Variants in CDCA8 observed in about 807,000 individuals in gnomAD.
CDCA8 encodes cell division cycle associated 8, also known as borealin.
In CDCA8, 25 loss-of-function variants were observed where a neutral mutation model predicts 40.0. That is an observed-to-expected ratio of 0.63 (90% CI 0.46 to 0.87). The LOEUF (loss-of-function observed/expected upper bound fraction) is 0.87. Ranked by LOEUF, CDCA8 falls within the 40% of genes least tolerant of loss-of-function variation. CDCA8 has a pLI of 0.00. For missense variants in CDCA8, 280 were observed against 348.4 expected, an observed-to-expected ratio of 0.80 and a Z score of 1.56; for synonymous variants, 111 against 126.5, an observed-to-expected ratio of 0.88 and a Z score of 0.82.
rs1645607064 is a variant in CDCA8 at position 37,707,079 on chromosome 1, CA to C, written c.798+16del. 6.3e-7 allele frequency: 1 copy of C among 1,590,128 alleles called. No individual in the cohort carries two copies. Among genetic ancestry groups the C allele is most frequent in the Non-Finnish European group, 8.6e-7 (1 of 1,158,018 alleles). On this transcript the variant is annotated intron_variant, in intron 9 of 9. Coordinates refer to ENST00000373055, the MANE Select transcript of CDCA8 (RefSeq NM_001256875.2). ...AGAAGCTCTCCGTAAGTCTCATATT[CA>C]TCTCCACACATAGGATGCCTCCAGT...
intron 6 of CDCA8, among the ~76,000 whole-genome samples, chr1:37,702,160 C>A (rs1289534826): frequency 6.6e-6 from 1 of 151,738 alleles, no homozygotes; most frequent in Non-Finnish European, 1.5e-5. Context: ...CCTGCCTCAG[C>A]CTCCCGAGTA....
rs78404796 is a variant in CDCA8 at position 37,700,290 on chromosome 1, C to T, written c.338-146C>T. On this transcript the variant is annotated intron_variant, in intron 4 of 9. Transcript: ENST00000373055. ...TCTGGTTAGTTTCCTTTGTCTAAACCCTCTTTCTTAAAAAGTCTTCTTTAT... is the reference window on the plus strand; with the variant it reads ...TCTGGTTAGTTTCCTTTGTCTAAACTCTCTTTCTTAAAAAGTCTTCTTTAT... 1,006 of 547,738 alleles carry T rather than the reference C, an allele frequency of 1.8e-3. 6 individuals carry two copies. The highest frequency in any genetic ancestry group is 0.017 in the African/African-American group (911 of 52,590). The allele number at this position is 547,738 out of a possible 1,614,324, so 33.9% of individuals were successfully genotyped here.
Position 37,692,984 on chromosome 1 carries a change from C to T in CDCA8, c.174C>T (p.Ile58=), listed in dbSNP as rs943287088. Residue 58 remains isoleucine, a synonymous_variant, in exon 2 of 10, where the codon ATC becomes ATT. Coordinates refer to ENST00000373055, the MANE Select transcript of CDCA8 (RefSeq NM_001256875.2). The part of the protein sequence containing the change: ...KEVDNLYNIE[I]LRLPKALREM... ...TGGATAACCTCTACAACATCGAGATCCTGCGGCTCCCCAAGGCTCTGCGCG... is the reference window on the plus strand; with the variant it reads ...TGGATAACCTCTACAACATCGAGATTCTGCGGCTCCCCAAGGCTCTGCGCG... 12 of 1,614,088 alleles carry T rather than the reference C, an allele frequency of 7.4e-6. No individual in the cohort carries two copies. The highest frequency in any genetic ancestry group is 1.0e-5 in the Non-Finnish European group (12 of 1,179,998).
chr1:37,693,399 AT>A (rs34875507), intron 2 of CDCA8, among the ~76,000 whole-genome samples: 1 of 151,892 alleles, frequency 6.6e-6, no homozygotes, highest in Admixed American at 6.6e-5. Context: ...AATTTATTTA[AT>A]TTTTTTTAAA....
At position 37,692,659 on chromosome 1, in the gene CDCA8, T is replaced by C. The variant is rs1209338251; in HGVS notation, c.-32T>C. On this transcript the variant is annotated 5_prime_UTR_variant, in exon 1 of 10. Coordinates refer to ENST00000373055, the MANE Select transcript of CDCA8 (RefSeq NM_001256875.2). ...CAGTTTCTTGCTTCCCTGCCCCATCTCCGCCGCTCCCCGCAGCCTCCGCCG... is the reference window on the plus strand; with the variant it reads ...CAGTTTCTTGCTTCCCTGCCCCATCCCCGCCGCTCCCCGCAGCCTCCGCCG... 1 of 1,582,478 alleles carries C rather than the reference T, an allele frequency of 6.3e-7. No individual in the cohort carries two copies. The highest frequency in any genetic ancestry group is 8.7e-7 in the Non-Finnish European group (1 of 1,155,700).
intron 6 of CDCA8, among the ~76,000 whole-genome samples, chr1:37,702,894 G>A (rs1022548359): frequency 6.6e-6 from 1 of 150,990 alleles, no homozygotes; most frequent in Admixed American, 6.6e-5. Flanking sequence ...GGAGGTTGCA[G>A]TGAGCCAAGA....
chr1:37,694,749 A>G (rs1240093778), intron 2 of CDCA8, among the ~76,000 whole-genome samples: 4 of 152,260 alleles, frequency 2.6e-5, no homozygotes, highest in Non-Finnish European at 5.9e-5. Flanking sequence ...AGTTAGTGGG[A>G]TAGTCTGTTT....
chr1:37,697,270 T>C (rs1645533145), intron 3 of CDCA8, among the ~76,000 whole-genome samples: 1 of 152,234 alleles, frequency 6.6e-6, no homozygotes, highest in Non-Finnish European at 1.5e-5. Context: ...CCCATGGCGA[T>C]GATTTATTAC....
intron 8 of CDCA8, among the ~76,000 whole-genome samples, chr1:37,705,940 G>A (rs1310655727): frequency 1.0e-4 from 14 of 137,828 alleles, no homozygotes; most frequent in African/African-American, 8.2e-5. Flanking sequence ...CTCCTGAGTA[G>A]CTGGGACTAC....
chr1:37,702,941 G>A (rs1645574275), intron 6 of CDCA8, among the ~76,000 whole-genome samples: 1 of 129,942 alleles, frequency 7.7e-6, no homozygotes. Flanking sequence ...AACAGAGCAA[G>A]ACTCCGTCTC....
chr1:37,705,811 T>G (rs1354018290), intron 8 of CDCA8, among the ~76,000 whole-genome samples: 3 of 76,588 alleles, frequency 3.9e-5, no homozygotes, highest in South Asian at 3.3e-4. Context: ...TTTTTGTGGG[T>G]TTTTTTTTTT....
In CDCA8 at chr1:37,699,177, T is replaced by C. The variant is rs1645545892; in HGVS notation, c.337+200T>C. On this transcript the variant is annotated intron_variant, in intron 4 of 9. Transcript: ENST00000373055. ...CCGAACAGCAATTCAAACCAGAAAT[T>C]TAGTTAATTTTAGGCAGGACTGCTA... is the stretch of plus-strand genomic sequence containing the variant. Among the ~76,000 whole-genome samples the C allele has an allele frequency of 2.0e-5, 3 of 152,194 alleles. No homozygotes were observed. In the South Asian group the frequency reaches 6.2e-4, roughly 32 times the overall value.
In CDCA8 at chr1:37,693,015, A is replaced by T; in HGVS notation, c.205A>T (p.Asn69Tyr). 1 of 1,614,012 alleles carries T rather than the reference A, an allele frequency of 6.2e-7. No individual in the cohort carries two copies. The highest frequency in any genetic ancestry group is 8.5e-7 in the Non-Finnish European group (1 of 1,180,002). The part of the protein sequence containing the change: ...LRLPKALREM[N>Y]WLDYFALGGN... ...GCTCCCCAAGGCTCTGCGCGAGATG[A>T]ACTGGCTTGACTACTTCGGTAAGAG... Residue 69 changes from asparagine (N) to tyrosine (Y), a missense_variant, in exon 2 of 10, where the codon AAC becomes TAC. Transcript: ENST00000373055.
In CDCA8 at chr1:37,703,251, G is replaced by A. The variant is rs759570876; in HGVS notation, c.489-1G>A. The A allele has an allele frequency of 6.2e-7, 1 of 1,612,740 alleles. No homozygotes were observed. Among genetic ancestry groups the A allele is most frequent in the South Asian group, 1.1e-5 (1 of 91,018 alleles). The stretch of plus-strand genomic sequence containing the variant: ...ACCTGATGGCCATTTCTTACCTGTA[G>A]GTCAAGCCGTGCTAACACTGTTACC... On this transcript the variant is annotated splice_acceptor_variant, in intron 6 of 9. Coordinates refer to ENST00000373055, the MANE Select transcript of CDCA8 (RefSeq NM_001256875.2). LOFTEE classifies it high-confidence loss of function.
intron 4 of CDCA8, among the ~76,000 whole-genome samples, chr1:37,699,535 C>G (rs1645548667): frequency 6.6e-6 from 1 of 150,614 alleles, no homozygotes; most frequent in South Asian, 2.1e-4. Flanking sequence ...AGTTCAAGAC[C>G]AGCCTGGGCA....
chr1:37,695,466 G>T (rs1488910791), intron 2 of CDCA8, among the ~76,000 whole-genome samples: 2 of 151,440 alleles, frequency 1.3e-5, no homozygotes, highest in East Asian at 3.9e-4. Context: ...GGTGGCGCAT[G>T]CCTGTAGTCC....
At chr1:37,702,886 A>AGG (rs1162862786) in intron 6 of CDCA8, among the ~76,000 whole-genome samples, 2 of 149,184 alleles carry the variant, frequency 1.3e-5, no homozygotes, top group African/African-American at 2.5e-5. Context: ...CAGGAGGTGG[A>AGG]GGTTGCAGTG....
At position 37,701,727 on chromosome 1, in the gene CDCA8, C is replaced by G. The variant is rs534576831; in HGVS notation, c.424-27C>G. The G allele has an allele frequency of 1.9e-5, 30 of 1,556,022 alleles. No individual in the cohort carries two copies. In the South Asian group the frequency reaches 3.4e-4, roughly 18 times the overall value. On this transcript the variant is annotated intron_variant, in intron 5 of 9. Coordinates refer to ENST00000373055, the MANE Select transcript of CDCA8 (RefSeq NM_001256875.2). ...TCCTCTTTGCTGGGTTTTTTGTAAC[C>G]TTAGTCTCATTTGATTGTGACTGCA...
chr1:37,703,167 G>C (rs1424817287), intron 6 of CDCA8, 85 bp from the exon 7 acceptor site: 2 of 1,037,146 alleles, frequency 1.9e-6, no homozygotes, highest in Non-Finnish European at 3.0e-6. Context: ...GTATCTCACA[G>C]TCAGCTCTCC....
Sources: gnomAD v4.1 joint callset for allele counts (sites outside exome capture counted in the v4.1 genomes callset) on GRCh38, gnomAD v4.1.1 for gene constraint, MANE v1.5 for transcripts, NCBI Gene and HGNC (gene_info 2026-07-23, HGNC 2026-07-21) for gene names.